ZNF829: variants seen among roughly 807,000 people sequenced by gnomAD.
ZNF829 encodes zinc finger protein 829.
Under a neutral mutation model 35.2 loss-of-function variants are expected in ZNF829, and 25 were observed. The observed-to-expected ratio is 0.71, with a 90% CI of 0.52 to 0.99. The LOEUF is 0.99. ZNF829 is among the 50% of genes least tolerant of loss of function. The pLI, the probability that ZNF829 is intolerant of heterozygous loss-of-function variation, is 0.00. For synonymous variants in ZNF829, 136 were observed against 163.2 expected, an observed-to-expected ratio of 0.83 and a Z score of 1.27; for missense variants, 417 against 515.3, an observed-to-expected ratio of 0.81 and a Z score of 1.85.
chr19:36,899,143 CAA>C, intron 5 of ZNF829, among the ~76,000 whole-genome samples: 1 of 151,926 alleles, frequency 6.6e-6, no homozygotes, highest in Non-Finnish European at 1.5e-5. Flanking sequence ...AACAAGGAAG[CAA>C]AAAAACTTAA....
At chr19:36,903,858 T>G (rs1228767786) in intron 5 of ZNF829, among the ~76,000 whole-genome samples, 1 of 130,578 alleles carries the variant, frequency 7.7e-6, no homozygotes, top group African/African-American at 2.8e-5. Context: ...AGAGTAAAAC[T>G]GTCTCGAAAA....
At position 36,908,438 on chromosome 19, in the gene ZNF829, C is replaced by T. The variant is rs867867603; in HGVS notation, c.118G>A (p.Val40Ile). ...VSKGPVMFRD[V>I]SIDFSQEEWE... ...TCCTCTTGAGAGAAGTCTATGGAAA[C>T]ATCCCTGAACATCACCGGCCCCTGA... Residue 40 changes from valine (V) to isoleucine (I), a missense_variant, in exon 4 of 6, where the codon GTT becomes ATT. Transcript: ENST00000391711. 2.5e-6 allele frequency: 4 copies of T among 1,604,530 alleles called. No individual in the cohort carries two copies. In the Admixed American group the frequency reaches 6.9e-5, roughly 28 times the overall value.
At chr19:36,909,265 C>A (rs924470262) in intron 3 of ZNF829, among the ~76,000 whole-genome samples, 10 of 152,026 alleles carry the variant, frequency 6.6e-5, no homozygotes, top group African/African-American at 1.9e-4. Context: ...AACTAAGGAG[C>A]TAGTATGTTT....
At chr19:36,901,855 C>T in intron 5 of ZNF829, 1 of 748,962 alleles carries the variant, frequency 1.3e-6, no homozygotes, top group Non-Finnish European at 2.5e-6. Context: ...GAGTGGGCTT[C>T]AAGAAGCGTG....
chr19:36,899,153 T>C (rs1260192567), intron 5 of ZNF829, among the ~76,000 whole-genome samples: 3 of 151,980 alleles, frequency 2.0e-5, no homozygotes, highest in Admixed American at 2.0e-4. Flanking sequence ...CAAAAAAACT[T>C]AATAGCAGTG....
rs752558777 is a variant in ZNF829 at position 36,891,539 on chromosome 19, C to T, written c.1252G>A (p.Gly418Ser). 5 of 1,603,426 alleles carry T rather than the reference C, an allele frequency of 3.1e-6. No individual in the cohort carries two copies. In the East Asian group the frequency reaches 6.7e-5, roughly 21 times the overall value. ...YDCKECGKAF[G>S]SRSDLIRHEG... is the part of the protein sequence containing the mutation. ...TGGCGAATGAGGTCAGAGCGACTAC[C>T]AAAAGCCTTTCCACATTCCTTACAG... is the stretch of plus-strand genomic sequence containing the variant. The change falls in exon 6 of 6, where the codon GGT becomes AGT. Residue 418 changes from glycine (G) to serine (S), a missense_variant. Transcript: ENST00000391711.
rs369546668 is a variant in ZNF829, at chr19:36,908,067, T to A, written c.224-43A>T. On this transcript the variant is annotated intron_variant, in intron 4 of 5. Coordinates refer to ENST00000391711, the MANE Select transcript of ZNF829 (RefSeq NM_001037232.4). The stretch of plus-strand genomic sequence containing the variant: ...CATGGGACATGGTTATGCTGTGGGG[T>A]CCCCAGAAATCAGATCCAGTCCCTT... 6.6e-4 allele frequency: 1,026 copies of A among 1,548,866 alleles called. 1 individual carries two copies. Among genetic ancestry groups the A allele is most frequent in the South Asian group, 1.0e-3 (88 of 88,102 alleles).
intron 5 of ZNF829, chr19:36,907,426 TG>T (rs1007126572): frequency 1.3e-5 from 2 of 153,548 alleles, no homozygotes; most frequent in African/African-American, 4.8e-5. Flanking sequence ...GTCCTAGTAG[TG>T]GTTTCACCAT....
intron 5 of ZNF829, among the ~76,000 whole-genome samples, chr19:36,903,866 A>G (rs2073193594): frequency 1.2e-5 from 1 of 86,060 alleles, no homozygotes; most frequent in Non-Finnish European, 3.4e-5. Context: ...ACTGTCTCGA[A>G]AAAAAAAATA....
At chr19:36,894,621 A>C (rs1285363760) in intron 5 of ZNF829, among the ~76,000 whole-genome samples, 2 of 152,130 alleles carry the variant, frequency 1.3e-5, no homozygotes, top group African/African-American at 4.8e-5. Context: ...ACCAAACAGA[A>C]GTCCTGAAAC....
At chr19:36,904,244 G>A (rs1190870927) in intron 5 of ZNF829, among the ~76,000 whole-genome samples, 2 of 152,156 alleles carry the variant, frequency 1.3e-5, no homozygotes, top group Non-Finnish European at 2.9e-5. Context: ...TACTTTTATA[G>A]TTTGATGTAT....
At chr19:36,910,955 C>T (rs577301251) in intron 3 of ZNF829, among the ~76,000 whole-genome samples, 6 of 152,144 alleles carry the variant, frequency 3.9e-5, no homozygotes, top group South Asian at 2.1e-4. Flanking sequence ...TGCAGTGAGC[C>T]GAGATTGTGC....
intron 3 of ZNF829, among the ~76,000 whole-genome samples, chr19:36,908,953 T>G (rs2073241304): frequency 1.3e-5 from 2 of 152,178 alleles, no homozygotes; most frequent in South Asian, 4.1e-4. Flanking sequence ...CCAGTCAGAT[T>G]ACTAAGCCAC....
chr19:36,915,468 CAG>C lies in ZNF829; in HGVS notation c.-84-219_-84-218del, dbSNP rs535446515. 3.1e-3 allele frequency among the ~76,000 whole-genome samples: 470 copies of C among 152,272 alleles called. 5 individuals carry two copies. Among genetic ancestry groups the C allele is most frequent in the African/African-American group, 0.011 (453 of 41,548 alleles). On this transcript the variant is annotated intron_variant, in intron 1 of 5. Transcript: ENST00000391711. The stretch of plus-strand genomic sequence containing the variant: ...CAATCGTAGGCACCCCACACTGTCG[CAG>C]AGTCACAATCACACATCACCACGGG...
In ZNF829 at chr19:36,889,515, T is replaced by C. The variant is rs1438067691; in HGVS notation, c.*1977A>G. On this transcript the variant is annotated 3_prime_UTR_variant, in exon 6 of 6. Coordinates refer to ENST00000391711, the MANE Select transcript of ZNF829 (RefSeq NM_001037232.4). ...GGATTCCTATTTCTCCCTGGTTCAA[T>C]CTTGGAAGGTTATGTGTTTCTAGGA... 6.6e-6 allele frequency: 1 copy of C among 152,210 alleles called. No individual in the cohort carries two copies. The highest frequency in any genetic ancestry group is 1.5e-5 in the Non-Finnish European group (1 of 68,022). The allele number at this position is 152,210 out of a possible 1,614,324, so 9.4% of individuals were successfully genotyped here.
rs2146256629 is a variant in ZNF829, at chr19:36,916,013, C to A, written c.-87G>T. ...TCCTGGGGACCAAAATATCTCACCT[C>A]CCAGATCTAAGGGTCCCGCCAGGAG... On this transcript the variant is annotated splice_region_variant and 5_prime_UTR_variant, in exon 1 of 6. Coordinates refer to ENST00000391711, the MANE Select transcript of ZNF829 (RefSeq NM_001037232.4). The surrounding 1 kb of genome is among the most constrained non-coding windows in gnomAD (Gnocchi z 5.3). The A allele has an allele frequency of 5.3e-6, 7 of 1,328,960 alleles. No homozygotes were observed. Among genetic ancestry groups the A allele is most frequent in the Non-Finnish European group, 7.1e-6 (7 of 981,480 alleles). 82.3% of individuals were successfully genotyped at this position (1,328,960 alleles called of 1,614,324 possible).
chr19:36,903,720 G>A (rs575734266), intron 5 of ZNF829, among the ~76,000 whole-genome samples: 5 of 151,878 alleles, frequency 3.3e-5, no homozygotes, highest in South Asian at 4.2e-4. Context: ...GGGAAACCTC[G>A]TCTCTACTAA....
intron 5 of ZNF829, among the ~76,000 whole-genome samples, chr19:36,899,315 T>C (rs957998404): frequency 9.9e-5 from 15 of 151,590 alleles, no homozygotes; most frequent in African/African-American, 3.6e-4. Flanking sequence ...TATAGTGGCA[T>C]GCACCTGCAG....
chr19:36,909,474 A>G lies in ZNF829; in HGVS notation c.97-1015T>C, dbSNP rs147864084. On this transcript the variant is annotated intron_variant, in intron 3 of 5. Transcript: ENST00000391711. The stretch of plus-strand genomic sequence containing the variant: ...CTGCAAGGTCCTAATGTCTGCAACA[A>G]TGTCTGCAAGGTCCTAATCACAGGG... Among the ~76,000 whole-genome samples the G allele has an allele frequency of 6.2e-3, 942 of 152,272 alleles. 27 individuals are homozygous for G. Among genetic ancestry groups the G allele is most frequent in the East Asian group, 0.049 (255 of 5,180 alleles).
Sources: allele counts gnomAD v4.1 joint callset (sites outside exome capture counted in the v4.1 genomes callset), GRCh38; gene constraint gnomAD v4.1.1; non-coding constraint Gnocchi (gnomAD v3.1); transcripts MANE v1.5; gene names NCBI Gene and HGNC (gene_info 2026-07-23, HGNC 2026-07-21).